The following PRPF4 variants were observed in gnomAD, a reference collection of about 807,000 sequenced individuals.
PRPF4 encodes the protein U4/U6 small nuclear ribonucleoprotein Prp4.
In PRPF4, 14 loss-of-function variants were observed where a neutral mutation model predicts 72.2. The observed-to-expected ratio is 0.19, with a 90% CI of 0.13 to 0.30. The LOEUF is 0.30. Among genes scored for constraint, PRPF4 ranks in the 10% least tolerant of loss-of-function variants. The pLI is 1.00. For synonymous variants in PRPF4, 225 were observed against 232.2 expected (o/e 0.97, Z 0.28); for missense variants, 478 against 653.9 (o/e 0.73, Z 2.93).
chr9:113,291,891 C>T lies in PRPF4; in HGVS notation c.*231C>T. On this transcript the variant is annotated 3_prime_UTR_variant, in exon 14 of 14. Transcript: ENST00000374198. ...AATTTATTACCTTTTTACGCCCTGC[C>T]ACGAACTGTGTAGACATTGTTTTTA... 2.1e-6 allele frequency: 1 copy of T among 481,306 alleles called. No homozygotes were observed. Among genetic ancestry groups the T allele is most frequent in the South Asian group, 2.5e-5 (1 of 40,522 alleles). The allele number at this position is 481,306 out of a possible 1,614,324, so 29.8% of individuals were successfully genotyped here.
intron 2 of PRPF4, 83 bp downstream of exon 2, chr9:113,276,808 T>G (rs781271367): frequency 2.4e-4 from 340 of 1,437,374 alleles, no homozygotes; most frequent in Middle Eastern, 1.4e-3. Flanking sequence ...TTTTATAATG[T>G]CAAAAAATTA....
chr9:113,286,623 T>C (rs1832456407), intron 8 of PRPF4, 82 bp from the exon 9 acceptor site: 1 of 1,516,174 alleles, frequency 6.6e-7, no homozygotes, highest in Non-Finnish European at 9.1e-7. Context: ...GAATACTCTG[T>C]ATGTCCACAT....
intron 6 of PRPF4, 59 bp downstream of exon 6, chr9:113,283,541 T>G (rs986424490): frequency 1.3e-6 from 2 of 1,584,274 alleles, no homozygotes; most frequent in African/African-American, 2.7e-5. Context: ...TATTTGATTT[T>G]TCTACTTTGG....
Position 113,283,337 on chromosome 9 carries a change from G to C in PRPF4, c.561-52G>C, listed in dbSNP as rs1832337381. 4 of 1,613,210 alleles carry C rather than the reference G, an allele frequency of 2.5e-6. No homozygotes were observed. In the East Asian group the frequency reaches 8.9e-5, roughly 36 times the overall value. ...GAGGGGTAGAGTAGGGATACATGTG[G>C]GTCCTTGTTTACAACCCTGTTGCTC... is the stretch of plus-strand genomic sequence containing the variant. On this transcript the variant is annotated intron_variant, in intron 5 of 13. Transcript: ENST00000374198.
At chr9:113,283,331 C>G in intron 5 of PRPF4, 58 bp from the exon 6 acceptor site, 1 of 1,613,002 alleles carries the variant, frequency 6.2e-7, no homozygotes. Flanking sequence ...AGTAGGGATA[C>G]ATGTGGGTCC....
At chr9:113,289,462 C>T (rs1832544534) in intron 10 of PRPF4, among the ~76,000 whole-genome samples, 1 of 152,216 alleles carries the variant, frequency 6.6e-6, no homozygotes, top group South Asian at 2.1e-4. Context: ...GGTTACTTCA[C>T]ATCCCTGTTA....
At chr9:113,288,440 C>CTT (rs36114176) in intron 10 of PRPF4, among the ~76,000 whole-genome samples, 176 bp downstream of exon 10, 15 of 144,278 alleles carry the variant, frequency 1.0e-4, no homozygotes, top group South Asian at 2.2e-4. Flanking sequence ...GTATATTTGC[C>CTT]TTTTTTTTTT....
chr9:113,279,752 G>A (rs142629391), intron 3 of PRPF4, among the ~76,000 whole-genome samples: 128 of 152,218 alleles, frequency 8.4e-4, no homozygotes, highest in East Asian at 3.7e-3. Flanking sequence ...TCCCCAGTGC[G>A]AGTTTTGAAT....
At chr9:113,288,914 A>G (rs1462163938) in intron 10 of PRPF4, among the ~76,000 whole-genome samples, 2 of 152,186 alleles carry the variant, frequency 1.3e-5, no homozygotes, top group Admixed American at 1.3e-4. Flanking sequence ...TTTACATACA[A>G]TGGAATGGAT....
At chr9:113,283,319 A>G (rs2118613888) in intron 5 of PRPF4, 70 bp from the exon 6 acceptor site, 1 of 1,612,690 alleles carries the variant, frequency 6.2e-7, no homozygotes, top group East Asian at 2.2e-5. Context: ...ATTGAGGGGT[A>G]GAGTAGGGAT....
chr9:113,285,520 A>C (rs1428632708), intron 7 of PRPF4, among the ~76,000 whole-genome samples: 6 of 150,474 alleles, frequency 4.0e-5, no homozygotes, highest in Non-Finnish European at 8.9e-5. Flanking sequence ...CTGGGACTAC[A>C]GGCACCCGCC....
intron 3 of PRPF4, among the ~76,000 whole-genome samples, chr9:113,282,048 G>T (rs966539371): frequency 6.6e-6 from 1 of 152,206 alleles, no homozygotes; most frequent in Non-Finnish European, 1.5e-5. Context: ...TGGTAGCAGT[G>T]TAGGGGCTCA....
chr9:113,286,350 T>C, intron 8 of PRPF4, 60 bp downstream of exon 8: 1 of 1,451,170 alleles, frequency 6.9e-7, no homozygotes. Context: ...AGTTAAGCCT[T>C]AAACTCTGCT....
intron 4 of PRPF4, 90 bp downstream of exon 4, chr9:113,282,823 G>A: frequency 8.5e-7 from 1 of 1,173,742 alleles, no homozygotes; most frequent in South Asian, 1.4e-5. Context: ...TTGTTTTGCT[G>A]AGATGTTGGG....
intron 1 of PRPF4, 126 bp downstream of exon 1, chr9:113,275,896 T>G (rs368259220): frequency 2.3e-6 from 3 of 1,321,638 alleles, no homozygotes; most frequent in Non-Finnish European, 2.1e-6. Context: ...GCTGCGGGAC[T>G]CAGCGGTGTC....
chr9:113,285,525 C>A (rs1415347926), intron 7 of PRPF4, among the ~76,000 whole-genome samples: 1 of 150,554 alleles, frequency 6.6e-6, no homozygotes, highest in Non-Finnish European at 1.5e-5. Flanking sequence ...ACTACAGGCA[C>A]CCGCCACCGC....
At chr9:113,279,255 GTGTTTATA>G (rs1191952013) in intron 3 of PRPF4, 124 bp downstream of exon 3, 2 of 885,104 alleles carry the variant, frequency 2.3e-6, no homozygotes, top group Non-Finnish European at 3.4e-6. Flanking sequence ...ATATCTTACT[GTGTTTATA>G]TGAGTTAGCC....
At position 113,286,784 on chromosome 9, in the gene PRPF4, C is replaced by T. The variant is rs1832460938; in HGVS notation, c.888C>T (p.Ala296=). 5 of 1,614,182 alleles carry T rather than the reference C, an allele frequency of 3.1e-6. No homozygotes were observed. The highest frequency in any genetic ancestry group is 4.2e-6 in the Non-Finnish European group (5 of 1,180,028). ...VSLDPKDVNL[A]SCAADGSVKL... ...TGGACCCAAAAGATGTCAACCTGGCCTCTTGTGCGGCTGATGGCTCTGTGA... is the reference window on the plus strand; with the variant it reads ...TGGACCCAAAAGATGTCAACCTGGCTTCTTGTGCGGCTGATGGCTCTGTGA... The change falls in exon 9 of 14, where the codon GCC becomes GCT. Residue 296 remains alanine (A), a synonymous_variant. Coordinates refer to ENST00000374198, the MANE Select transcript of PRPF4 (RefSeq NM_001244926.2).
At chr9:113,291,356 T>C in intron 13 of PRPF4, 111 bp from the exon 14 acceptor site, 1 of 1,119,548 alleles carries the variant, frequency 8.9e-7, no homozygotes, top group Non-Finnish European at 1.3e-6. Context: ...CCCTTAAGTC[T>C]GTAGAAACAA....
Sources: allele counts gnomAD v4.1 joint callset (sites outside exome capture counted in the v4.1 genomes callset), GRCh38; gene constraint gnomAD v4.1.1; transcripts MANE v1.5; gene names NCBI Gene and HGNC (gene_info 2026-07-23, HGNC 2026-07-21).